Variants in MS4A18 observed in about 807,000 individuals in gnomAD.
MS4A18 encodes the protein membrane-spanning 4-domains subfamily A member 18.
In MS4A18, 27 loss-of-function variants were observed where a neutral mutation model predicts 13.1. The observed-to-expected ratio is 2.06, with a 90% CI of 1.52 to 2.84. The LOEUF is 2.84. Among genes scored for constraint, MS4A18 ranks in the 30% most tolerant of loss-of-function variants. The pLI, the probability that MS4A18 is intolerant of heterozygous loss-of-function variation, is 0.00. For missense variants in MS4A18, 307 were observed against 196.4 expected, an observed-to-expected ratio of 1.56 and a Z score of -3.37; for synonymous variants, 126 against 76.5, an observed-to-expected ratio of 1.65 and a Z score of -3.38.
chr11:60,744,741 G>A (rs753979016), downstream of MS4A18, among the ~76,000 whole-genome samples: 1 of 152,176 alleles, frequency 6.6e-6, no homozygotes, highest in Non-Finnish European at 1.5e-5. Flanking sequence ...ATATAGGGTT[G>A]CAAATAAGCG....
At chr11:60,729,985 G>A (rs1853229979) in intron 1 of MS4A18, among the ~76,000 whole-genome samples, 199 bp downstream of exon 2, 2 of 152,232 alleles carry the variant, frequency 1.3e-5, no homozygotes, top group South Asian at 4.1e-4. Flanking sequence ...TCCCCAAGGA[G>A]ACCCATGGTT....
intron 4 of MS4A18, 108 bp from the exon 6 acceptor site, chr11:60,740,922 A>G: frequency 1.5e-6 from 1 of 682,540 alleles, no homozygotes; most frequent in Non-Finnish European, 2.7e-6. Flanking sequence ...CCACATGCAG[A>G]GAGGGTCTCA....
Position 60,729,535 on chromosome 11 carries a change from C to G in MS4A18, c.220C>G (p.Gln74Glu), listed in dbSNP as rs769480605. Residue 74 changes from glutamine (Q) to glutamate (E), a missense_variant, in exon 1 of 6, where the codon CAG (glutamine) becomes GAG (glutamate). Coordinates refer to ENST00000529108, the Ensembl canonical transcript of MS4A18. ...GAACCAGAACTCAGCAGCAGGTGTA[C>G]AGAGTCAACCCATTGGGTATCAGCG... is the stretch of plus-strand genomic sequence containing the variant. The G allele has an allele frequency of 5.7e-6, 4 of 702,780 alleles. No homozygotes were observed. The Admixed American group carries it at 6.0e-5, about 11-fold the overall frequency. 43.5% of individuals were successfully genotyped at this position (702,780 alleles called of 1,614,324 possible).
At chr11:60,731,183 G>A (rs1222671794) in intron 1 of MS4A18, among the ~76,000 whole-genome samples, 1 of 152,086 alleles carries the variant, frequency 6.6e-6, no homozygotes, top group African/African-American at 2.4e-5. Context: ...AGGTAAAGCT[G>A]GTCTATGATA....
chr11:60,725,904 G>A (rs966030104), upstream of MS4A18, among the ~76,000 whole-genome samples: 5 of 152,132 alleles, frequency 3.3e-5, no homozygotes, highest in African/African-American at 1.2e-4. Flanking sequence ...GGATGCTGTA[G>A]TTGTTATTCT....
At chr11:60,726,694 T>C (rs969880512), upstream of MS4A18, among the ~76,000 whole-genome samples, 1 of 151,306 alleles carries the variant, frequency 6.6e-6, no homozygotes, top group African/African-American at 2.4e-5. Flanking sequence ...ATGGCCCCTC[T>C]CTTTTTTAAG....
rs1294352330 is a variant in MS4A18 at position 60,743,649 on chromosome 11, G to C, written c.859-1G>C. On this transcript the variant is annotated splice_acceptor_variant, in intron 5 of 5. Coordinates refer to ENST00000529108, the Ensembl canonical transcript of MS4A18. LOFTEE classifies it high-confidence loss of function. ...ACGACCACATGTCCTTTGTCTTTCA[G>C]AATGTGGCAGTGATTCCAACCGTAT... is the stretch of plus-strand genomic sequence containing the variant. 1.4e-6 allele frequency: 1 copy of C among 702,250 alleles called. No individual in the cohort carries two copies. The highest frequency in any genetic ancestry group is 2.0e-5 in the Admixed American group (1 of 50,002). 43.5% of individuals were successfully genotyped at this position (702,250 alleles called of 1,614,324 possible). A position where few individuals can be genotyped will look rare whatever the true frequency, so the allele number is the denominator to read the frequency against.
At chr11:60,734,410 T>C (rs986569536) in intron 2 of MS4A18, among the ~76,000 whole-genome samples, 3 of 152,180 alleles carry the variant, frequency 2.0e-5, no homozygotes, top group Non-Finnish European at 2.9e-5. Context: ...TAGCAGGAAG[T>C]TGGCCATGTT....
chr11:60,740,702 C>T (rs140799377), intron 4 of MS4A18, among the ~76,000 whole-genome samples: 2 of 152,280 alleles, frequency 1.3e-5, no homozygotes, highest in African/African-American at 4.8e-5. Context: ...TATACACCAG[C>T]CCCTGACAGT....
At chr11:60,740,485 G>A (rs1438421378) in intron 4 of MS4A18, among the ~76,000 whole-genome samples, 4 of 152,206 alleles carry the variant, frequency 2.6e-5, no homozygotes, top group Non-Finnish European at 5.9e-5. Flanking sequence ...AAAGCCAGGA[G>A]CCAGACAGAG....
upstream of MS4A18, among the ~76,000 whole-genome samples, chr11:60,725,958 G>A (rs1444754661): frequency 6.6e-6 from 1 of 152,182 alleles, no homozygotes; most frequent in Admixed American, 6.5e-5. Flanking sequence ...AGAAAGCAAG[G>A]AATGTCAAGG....
At position 60,729,469 on chromosome 11, in the gene MS4A18, T is replaced by G. The variant is rs1565058571; in HGVS notation, c.154T>G (p.Cys52Gly). ...CCCAATCTCACCAAAAGTAATCCAC[T>G]GTGATACAGGAAGAGCAAACTTACA... Residue 52 changes from cysteine (C) to glycine (G), a missense_variant, in exon 1 of 6, where the codon TGT becomes GGT. By Grantham distance (159) the Cys-to-Gly change is radical. Transcript: ENST00000529108. 4.3e-6 allele frequency: 3 copies of G among 702,696 alleles called. No individual in the cohort carries two copies. The African/African-American group carries it at 5.2e-5, about 12-fold the overall frequency. The allele number at this position is 702,696 out of a possible 1,614,324, so 43.5% of individuals were successfully genotyped here.
At chr11:60,740,935 C>A in intron 4 of MS4A18, 95 bp from the exon 6 acceptor site, 1 of 691,730 alleles carries the variant, frequency 1.4e-6, no homozygotes, top group South Asian at 1.5e-5. Context: ...GGGTCTCAGG[C>A]CTTCCAGGTG....
Position 60,743,659 on chromosome 11 carries a change from GTGATT to G in MS4A18, c.869_873del (p.Val290AlafsTer68), listed in dbSNP as rs779474310. On this transcript the variant is annotated frameshift_variant, in exon 6 of 6. Transcript: ENST00000529108. LOFTEE classifies it low-confidence loss of function (END_TRUNC). The stretch of plus-strand genomic sequence containing the variant: ...GTCCTTTGTCTTTCAGAATGTGGCA[GTGATT>G]CCAACCGTATTCAGTTTCAACCCAG... The G allele has an allele frequency of 1.4e-6, 1 of 702,608 alleles. No homozygotes were observed. Among genetic ancestry groups the G allele is most frequent in the South Asian group, 1.5e-5 (1 of 67,566 alleles). The allele number at this position is 702,608 out of a possible 1,614,324, so 43.5% of individuals were successfully genotyped here.
rs1433771784 is a variant in MS4A18 at position 60,736,977 on chromosome 11, G to C, written c.592-1G>C. 1.4e-6 allele frequency: 1 copy of C among 692,588 alleles called. No individual in the cohort carries two copies. Among genetic ancestry groups the C allele is most frequent in the Non-Finnish European group, 2.6e-6 (1 of 381,900 alleles). The allele number at this position is 692,588 out of a possible 1,614,324, so 42.9% of individuals were successfully genotyped here. ...TTTTTTTTTTTTTTTTGTCTGCGTA[G>C]TATATTGTATCTGGATCCCTCTCAG... is the stretch of plus-strand genomic sequence containing the variant. On this transcript the variant is annotated splice_acceptor_variant, in intron 2 of 5. Coordinates refer to ENST00000529108, the Ensembl canonical transcript of MS4A18. LOFTEE classifies it high-confidence loss of function.
chr11:60,733,967 G>A (rs1243013229), intron 2 of MS4A18, among the ~76,000 whole-genome samples: 1 of 152,092 alleles, frequency 6.6e-6, no homozygotes, highest in African/African-American at 2.4e-5. Flanking sequence ...GATAAGGCCA[G>A]GCAGGGTGGC....
At chr11:60,742,200 T>C (rs1355532312) in intron 5 of MS4A18, among the ~76,000 whole-genome samples, 4 of 152,228 alleles carry the variant, frequency 2.6e-5, no homozygotes, top group Admixed American at 2.6e-4. Context: ...TCCAGGACCT[T>C]GACTCCACCC....
Position 60,734,943 on chromosome 11 carries a change from G to T in MS4A18, c.591+1296G>T, listed in dbSNP as rs1451783639. ...ATTACAGGCATGTGCCACCATGCCC[G>T]GCTAATTTTTTGTATTTTTAGTAGA... On this transcript the variant is annotated intron_variant, in intron 2 of 5. Coordinates refer to ENST00000529108, the Ensembl canonical transcript of MS4A18. 3.3e-5 allele frequency among the ~76,000 whole-genome samples: 5 copies of T among 151,798 alleles called. No individual in the cohort carries two copies. The South Asian group carries it at 6.2e-4, about 19-fold the overall frequency.
exon 5 of MS4A18, chr11:60,741,054 G>A (rs997683509): frequency 2.8e-5 from 20 of 702,856 alleles, no homozygotes; most frequent in East Asian, 1.3e-4. Flanking sequence ...GGTTTCTGGC[G>A]GTCTTCTCCC....
Sources: allele counts gnomAD v4.1 joint callset (sites outside exome capture counted in the v4.1 genomes callset), GRCh38; gene constraint gnomAD v4.1.1; transcripts MANE v1.5; gene names NCBI Gene and HGNC (gene_info 2026-07-23, HGNC 2026-07-21).